CEP112: variants seen among roughly 807,000 people sequenced by gnomAD.
CEP112 encodes centrosomal protein 112, also known as centrosomal protein of 112 kDa.
CEP112 carries 127 observed loss-of-function variants against 153.0 expected under a neutral mutation model. That is an observed-to-expected ratio of 0.83 (90% confidence interval 0.72 to 0.96). CEP112 has a LOEUF of 0.96. Ranked by LOEUF, CEP112 falls within the 40% of genes least tolerant of loss-of-function variation. The pLI, the probability that CEP112 is intolerant of heterozygous loss-of-function variation, is 0.00. For missense variants in CEP112, 1,089 were observed against 1,101.2 expected, an observed-to-expected ratio of 0.99 and a Z score of 0.16; for synonymous variants, 358 against 374.4, an observed-to-expected ratio of 0.96 and a Z score of 0.51.
intron 2 of CEP112, among the ~76,000 whole-genome samples, chr17:66,177,519 C>T (rs761211204): frequency 2.0e-5 from 3 of 151,676 alleles, no homozygotes; most frequent in Non-Finnish European, 4.4e-5. Flanking sequence ...GTATAATAGT[C>T]GCATCAGGAT....
chr17:65,810,875 A>G (rs553057880), intron 21 of CEP112, among the ~76,000 whole-genome samples: 2 of 152,180 alleles, frequency 1.3e-5, no homozygotes, highest in Non-Finnish European at 2.9e-5. Context: ...TCTACCCTAA[A>G]GGAGGGAAGG....
chr17:65,793,496 A>C (rs1052743299), intron 21 of CEP112, among the ~76,000 whole-genome samples: 3 of 152,232 alleles, frequency 2.0e-5, no homozygotes, highest in Non-Finnish European at 4.4e-5. Context: ...TGAACTTAAA[A>C]GTTGGAAAAA....
intron 4 of CEP112, among the ~76,000 whole-genome samples, chr17:66,141,669 G>A (rs2070706312): frequency 6.6e-6 from 1 of 152,194 alleles, no homozygotes; most frequent in African/African-American, 2.4e-5. Context: ...ATTTAACTCA[G>A]CAAAAGTCCT....
At chr17:66,041,859 T>G (rs1197592946) in intron 12 of CEP112, among the ~76,000 whole-genome samples, 2 of 152,006 alleles carry the variant, frequency 1.3e-5, no homozygotes, top group Non-Finnish European at 2.9e-5. Context: ...TTCCAAAAAT[T>G]TATATAGATA....
rs148406838 is a variant in CEP112 at position 65,745,956 on chromosome 17, G to A, written c.2458-2739C>T. Among the ~76,000 whole-genome samples the A allele has an allele frequency of 5.3e-5, 8 of 152,066 alleles. No homozygotes were observed. The East Asian group carries it at 1.4e-3, about 26-fold the overall frequency. On this transcript the variant is annotated intron_variant, in intron 22 of 26. Coordinates refer to ENST00000535342, the MANE Select transcript of CEP112 (RefSeq NM_001199165.4). ...AGGCGGCCGGATCACCTGAAGCCAG[G>A]AGTTCGAGACCAGCCTGGCCAACAT...
intron 21 of CEP112, among the ~76,000 whole-genome samples, chr17:65,765,824 C>A (rs540037585): frequency 6.6e-6 from 1 of 152,042 alleles, no homozygotes; most frequent in Non-Finnish European, 1.5e-5. Flanking sequence ...CCCTTTTCAA[C>A]CAGCACATTA....
At chr17:65,979,413 A>G (rs1219281806) in intron 17 of CEP112, among the ~76,000 whole-genome samples, 9 of 151,834 alleles carry the variant, frequency 5.9e-5, no homozygotes, top group African/African-American at 2.2e-4. Flanking sequence ...TTATTAAAAA[A>G]ATTTTTGGTA....
Position 66,106,796 on chromosome 17 carries a change from G to C in CEP112, c.643-10164C>G, listed in dbSNP as rs548187504. Among the ~76,000 whole-genome samples the C allele has an allele frequency of 1.3e-4, 20 of 152,036 alleles. 1 individual carries two copies. In the South Asian group the frequency reaches 4.1e-3, roughly 32 times the overall value. On this transcript the variant is annotated intron_variant, in intron 6 of 26. Transcript: ENST00000535342. ...GGAATATTTCCTAACTCATTCTCAA[G>C]GCTAGTATTACCCTGATACCAAAAC...
In CEP112 at chr17:65,754,148, A is replaced by G. The variant is rs139082475; in HGVS notation, c.2395-3424T>C. On this transcript the variant is annotated intron_variant, in intron 21 of 26. Coordinates refer to ENST00000535342, the MANE Select transcript of CEP112 (RefSeq NM_001199165.4). ...GAGGAAGTGATAAAAGTTAGGGGGT[A>G]CTTTATAATTTTAAAAATACTGAAG... Among the ~76,000 whole-genome samples the G allele has an allele frequency of 2.6e-5, 4 of 152,334 alleles. No individual in the cohort carries two copies. The East Asian group carries it at 7.7e-4, about 29-fold the overall frequency.
intron 12 of CEP112, among the ~76,000 whole-genome samples, chr17:66,040,494 C>CT (rs71160522): frequency 0.41 from 54,518 of 132,858 alleles, 12,922 homozygotes; most frequent in East Asian, 0.86. Flanking sequence ...CCCTTTTTTT[C>CT]TTTTTTTTTT....
At chr17:66,097,007 T>G (rs2068374562) in intron 6 of CEP112, among the ~76,000 whole-genome samples, 1 of 152,194 alleles carries the variant, frequency 6.6e-6, no homozygotes, top group Admixed American at 6.5e-5. Context: ...CTCCAAACCC[T>G]GTAAGCACAC....
At chr17:65,821,536 ATATATTTTTTTTTT>A (rs1196226080) in intron 21 of CEP112, among the ~76,000 whole-genome samples, 8 of 36,078 alleles carry the variant, frequency 2.2e-4, no homozygotes, top group African/African-American at 5.8e-4. Flanking sequence ...ATATATATAT[ATATATTTTTTTTTT>A]TTTTTTTTTT....
chr17:66,035,293 C>G (rs1341286024), intron 12 of CEP112, among the ~76,000 whole-genome samples: 2 of 151,998 alleles, frequency 1.3e-5, no homozygotes, highest in African/African-American at 4.8e-5. Context: ...GTTCATTGCC[C>G]TATTAAATGC....
intron 21 of CEP112, among the ~76,000 whole-genome samples, chr17:65,847,874 T>A (rs2057784854): frequency 6.6e-6 from 1 of 152,150 alleles, no homozygotes; most frequent in Non-Finnish European, 1.5e-5. Context: ...AAAAATCATG[T>A]GGAGAAGCAT....
At chr17:66,184,168 A>G (rs117012044) in intron 1 of CEP112, among the ~76,000 whole-genome samples, 5,189 of 152,176 alleles carry the variant, frequency 0.034, 132 homozygotes, top group Middle Eastern at 0.061. Context: ...GAGGTGGGAG[A>G]ATTGTTTGAA....
At chr17:66,161,445 A>G (rs914801998) in intron 4 of CEP112, among the ~76,000 whole-genome samples, 2 of 152,232 alleles carry the variant, frequency 1.3e-5, no homozygotes, top group African/African-American at 4.8e-5. Context: ...ATGCCCATCA[A>G]TAATAGACCG....
At chr17:66,103,792 T>C (rs192743806) in intron 6 of CEP112, among the ~76,000 whole-genome samples, 1 of 152,180 alleles carries the variant, frequency 6.6e-6, no homozygotes, top group Non-Finnish European at 1.5e-5. Flanking sequence ...AGTGGCTACA[T>C]GGCATGAAGA....
intron 21 of CEP112, among the ~76,000 whole-genome samples, chr17:65,831,606 T>C (rs1012286931): frequency 6.7e-6 from 1 of 148,646 alleles, no homozygotes; most frequent in South Asian, 2.1e-4. Flanking sequence ...CAAACATGGA[T>C]AGAAAACTAA....
chr17:65,736,127 C>T (rs7406872), intron 23 of CEP112, among the ~76,000 whole-genome samples: 83,292 of 151,742 alleles, frequency 0.55, 23,154 homozygotes, highest in South Asian at 0.72. Flanking sequence ...ATGATCTGAC[C>T]TAGAAGGTAG....
Sources: gnomAD v4.1 joint callset for allele counts (sites outside exome capture counted in the v4.1 genomes callset) on GRCh38, gnomAD v4.1.1 for gene constraint, MANE v1.5 for transcripts, NCBI Gene and HGNC (gene_info 2026-07-23, HGNC 2026-07-21) for gene names.